Variants in FANCL observed in about 807,000 individuals in gnomAD.
FANCL encodes E3 ubiquitin-protein ligase FANCL.
FANCL carries 69 observed loss-of-function variants against 59.4 expected under a neutral mutation model. The ratio of observed to expected loss-of-function variants is 1.16; its 90% confidence interval spans 0.96 to 1.42. FANCL has a LOEUF of 1.42. Among genes scored for constraint, FANCL ranks in the 40% most tolerant of loss-of-function variants. FANCL has a pLI of 0.00. For missense variants in FANCL, 519 were observed against 447.2 expected (o/e 1.16, Z -1.45); for synonymous variants, 180 against 147.1 (o/e 1.22, Z -1.62).
At chr2:58,218,846 T>C (rs1692115365) in intron 5 of FANCL, among the ~76,000 whole-genome samples, 1 of 151,912 alleles carries the variant, frequency 6.6e-6, no homozygotes, top group African/African-American at 2.4e-5. Flanking sequence ...ACTGGAGTTG[T>C]AGACATCAGT....
At chr2:58,235,008 T>C (rs960928807) in intron 1 of FANCL, among the ~76,000 whole-genome samples, 1 of 151,952 alleles carries the variant, frequency 6.6e-6, no homozygotes, top group African/African-American at 2.4e-5. Flanking sequence ...CCTAAAATTG[T>C]CTGGTTCTAT....
At chr2:58,215,373 C>A (rs1420410101) in intron 5 of FANCL, among the ~76,000 whole-genome samples, 2 of 152,186 alleles carry the variant, frequency 1.3e-5, no homozygotes, top group African/African-American at 4.8e-5. Flanking sequence ...TAAATATCAA[C>A]CAGTCCTCAA....
chr2:58,171,858 A>T (rs953319489), intron 7 of FANCL, among the ~76,000 whole-genome samples: 1 of 152,152 alleles, frequency 6.6e-6, no homozygotes, highest in Non-Finnish European at 1.5e-5. Flanking sequence ...CTAGTCAAAG[A>T]AAGGGGTGAC....
intron 6 of FANCL, among the ~76,000 whole-genome samples, chr2:58,203,411 A>G (rs911663654): frequency 4.6e-5 from 7 of 152,104 alleles, no homozygotes; most frequent in African/African-American, 1.7e-4. Context: ...GAATAATTAA[A>G]AAAAAAAAGT....
chr2:58,174,374 C>T (rs1181005830), intron 7 of FANCL, among the ~76,000 whole-genome samples: 1 of 152,110 alleles, frequency 6.6e-6, no homozygotes, highest in East Asian at 1.9e-4. Context: ...CCAAAATCGA[C>T]CACATAGTTG....
chr2:58,209,555 CTAAT>C (rs1425791731), intron 5 of FANCL, among the ~76,000 whole-genome samples: 5 of 152,018 alleles, frequency 3.3e-5, no homozygotes, highest in African/African-American at 4.8e-5. Context: ...AGTCATAACA[CTAAT>C]TAAGTACTAT....
intron 6 of FANCL, among the ~76,000 whole-genome samples, chr2:58,201,402 T>C (rs993746364): frequency 1.1e-4 from 16 of 151,870 alleles, no homozygotes; most frequent in African/African-American, 3.1e-4. Flanking sequence ...ATATTAAGTA[T>C]ATATTTTTAT....
At chr2:58,175,492 A>G (rs1687199419) in intron 7 of FANCL, among the ~76,000 whole-genome samples, 1 of 152,012 alleles carries the variant, frequency 6.6e-6, no homozygotes, top group Non-Finnish European at 1.5e-5. Flanking sequence ...ACGCAAATCA[A>G]TAAATGTAAT....
At position 58,217,231 on chromosome 2, in the gene FANCL, C is replaced by T. The variant is rs1429434011; in HGVS notation, c.374+4711G>A. ...ATATATATATACACACACACACACA[C>T]ACACACACACACATATATATGTTTG... On this transcript the variant is annotated intron_variant, in intron 5 of 13. Coordinates refer to ENST00000233741, the MANE Select transcript of FANCL (RefSeq NM_018062.4). Among the ~76,000 whole-genome samples the T allele has an allele frequency of 3.8e-3, 384 of 100,396 alleles. 9 individuals are homozygous for T. Among genetic ancestry groups the T allele is most frequent in the African/African-American group, 0.015 (354 of 23,622 alleles). 65.9% of individuals were successfully genotyped at this position (100,396 alleles called of 152,430 possible). A position where few individuals can be genotyped will look rare whatever the true frequency, so the allele number is the denominator to read the frequency against.
At chr2:58,210,506 T>C (rs896758837) in intron 5 of FANCL, among the ~76,000 whole-genome samples, 1 of 152,070 alleles carries the variant, frequency 6.6e-6, no homozygotes, top group Non-Finnish European at 1.5e-5. Flanking sequence ...ATTCTACCCC[T>C]GACCCCTCCC....
chr2:58,174,698 A>C (rs1029180097), intron 7 of FANCL, among the ~76,000 whole-genome samples: 1 of 152,222 alleles, frequency 6.6e-6, no homozygotes, highest in African/African-American at 2.4e-5. Context: ...AAAGATCCAA[A>C]ATTGACACCC....
chr2:58,174,231 A>C (rs1198516360), intron 7 of FANCL, among the ~76,000 whole-genome samples: 1 of 152,218 alleles, frequency 6.6e-6, no homozygotes, highest in Non-Finnish European at 1.5e-5. Context: ...CAGATCAACA[A>C]GACAGAAAGT....
intron 7 of FANCL, among the ~76,000 whole-genome samples, chr2:58,198,037 G>T (rs1432266493): frequency 6.8e-6 from 1 of 147,766 alleles, no homozygotes; most frequent in East Asian, 1.9e-4. Flanking sequence ...TGGTGTGTGT[G>T]TGTGTGTGCG....
intron 7 of FANCL, among the ~76,000 whole-genome samples, chr2:58,188,891 T>C (rs936974479): frequency 6.6e-6 from 1 of 152,064 alleles, no homozygotes; most frequent in Admixed American, 6.5e-5. Context: ...AAAAGGTGAA[T>C]GGCCAATATG....
Position 58,222,831 on chromosome 2 carries a change from G to A in FANCL, c.274-789C>T, listed in dbSNP as rs182610168. 1.3e-3 allele frequency among the ~76,000 whole-genome samples: 201 copies of A among 151,658 alleles called. 3 individuals are homozygous for A. Among genetic ancestry groups the A allele is most frequent in the Non-Finnish European group, 3.5e-4 (24 of 67,796 alleles). ...GTTCATATGGTCTGAAGTATCAAAC[G>A]GTATTACAAAAAGTAAATAATTAAT... On this transcript the variant is annotated intron_variant, in intron 4 of 13. Coordinates refer to ENST00000233741, the MANE Select transcript of FANCL (RefSeq NM_018062.4).
At chr2:58,221,740 T>C (rs970895070) in intron 5 of FANCL, among the ~76,000 whole-genome samples, 1 of 152,178 alleles carries the variant, frequency 6.6e-6, no homozygotes, top group Non-Finnish European at 1.5e-5. Context: ...TTTTTCCAAA[T>C]TATATTTAGC....
At chr2:58,223,354 G>A (rs988359728) in intron 4 of FANCL, among the ~76,000 whole-genome samples, 2 of 151,868 alleles carry the variant, frequency 1.3e-5, no homozygotes, top group Admixed American at 6.6e-5. Context: ...TGCTCTACTA[G>A]TTATTAAATA....
chr2:58,225,291 T>C (rs1465274465), intron 4 of FANCL, among the ~76,000 whole-genome samples: 1 of 151,594 alleles, frequency 6.6e-6, no homozygotes, highest in Non-Finnish European at 1.5e-5. Flanking sequence ...ATTCTAAAAA[T>C]TGGTTTCTGT....
At chr2:58,234,751 T>C (rs1029297167) in intron 1 of FANCL, among the ~76,000 whole-genome samples, 4 of 151,718 alleles carry the variant, frequency 2.6e-5, no homozygotes, top group Admixed American at 6.6e-5. Context: ...ATCAAATATA[T>C]AGAAAACAGA....
Sources: allele counts gnomAD v4.1 joint callset (sites outside exome capture counted in the v4.1 genomes callset), GRCh38; gene constraint gnomAD v4.1.1; transcripts MANE v1.5; gene names NCBI Gene and HGNC (gene_info 2026-07-23, HGNC 2026-07-21).